Variants in NKX2-3 observed in about 807,000 individuals in gnomAD.
The protein encoded by NKX2-3 is NK2 homeobox 3.
NKX2-3 carries 3 observed loss-of-function variants against 14.2 expected under a neutral mutation model. The observed-to-expected ratio is 0.21, with a 90% CI of 0.10 to 0.55. The LOEUF is 0.55. Ranked by LOEUF, NKX2-3 falls within the 20% of genes least tolerant of loss-of-function variation. The pLI is 0.94. For missense variants in NKX2-3, 511 were observed against 514.5 expected, an observed-to-expected ratio of 0.99 and a Z score of 0.06; for synonymous variants, 276 against 234.2, an observed-to-expected ratio of 1.18 and a Z score of -1.63.
In NKX2-3 at chr10:99,535,899, G is replaced by A. The variant is rs1049039640; in HGVS notation, c.*178G>A. The A allele has an allele frequency of 5.6e-6, 4 of 716,474 alleles. No individual in the cohort carries two copies. The highest frequency in any genetic ancestry group is 8.6e-6 in the Non-Finnish European group (4 of 463,504). The allele number at this position is 716,474 out of a possible 1,614,324, so 44.4% of individuals were successfully genotyped here. A position where few individuals can be genotyped will look rare whatever the true frequency, so the allele number is the denominator to read the frequency against. ...CTGGGGAAGGGGACTCAGGGGCGAG[G>A]AGGATGACTGGGTCCGGTCGCCAGG... is the stretch of plus-strand genomic sequence containing the variant. On this transcript the variant is annotated 3_prime_UTR_variant, in exon 2 of 2. Coordinates refer to ENST00000344586, the MANE Select transcript of NKX2-3 (RefSeq NM_145285.3).
Position 99,535,378 on chromosome 10 carries a change from G to A in NKX2-3, c.752G>A (p.Ser251Asn). 1 of 1,451,870 alleles carries A rather than the reference G, an allele frequency of 6.9e-7. No individual in the cohort carries two copies. The allele number at this position is 1,451,870 out of a possible 1,614,324, so 89.9% of individuals were successfully genotyped here. A position where few individuals can be genotyped will look rare whatever the true frequency, so the allele number is the denominator to read the frequency against. The change falls in exon 2 of 2, where the codon AGC becomes AAC. Residue 251 changes from serine to asparagine, a missense_variant. By Grantham distance (46) the Ser-to-Asn change is conservative. Around this residue, in one of 3 missense-constraint regions of NKX2-3, gnomAD observed 264 missense variants for 254.7 expected, o/e 1.04. Coordinates refer to ENST00000344586, the MANE Select transcript of NKX2-3 (RefSeq NM_145285.3). The part of the protein sequence containing the change: ...PSAQAYGAPY[S>N]VGASAYSYNS... ...GCGCAGGCCTACGGCGCGCCCTACA[G>A]CGTGGGCGCCAGCGCCTACTCCTAC...
chr10:99,535,968 G>T lies in NKX2-3; in HGVS notation c.*247G>T. 1 of 520,376 alleles carries T rather than the reference G, an allele frequency of 1.9e-6. No homozygotes were observed. Among genetic ancestry groups the T allele is most frequent in the Non-Finnish European group, 3.4e-6 (1 of 296,602 alleles). 32.2% of individuals were successfully genotyped at this position (520,376 alleles called of 1,614,324 possible). On this transcript the variant is annotated 3_prime_UTR_variant, in exon 2 of 2. Coordinates refer to ENST00000344586, the MANE Select transcript of NKX2-3 (RefSeq NM_145285.3). ...ACGCCGGCTGGGCGCCGGGGAGGACGATGGCCCCGACCCTGGCAGCGAGAG... is the reference window on the plus strand; with the variant it reads ...ACGCCGGCTGGGCGCCGGGGAGGACTATGGCCCCGACCCTGGCAGCGAGAG...
At position 99,533,348 on chromosome 10, in the gene NKX2-3, T is replaced by C. The variant is rs774776737; in HGVS notation, c.217T>C (p.Leu73=). 1 of 1,612,068 alleles carries C rather than the reference T, an allele frequency of 6.2e-7. No individual in the cohort carries two copies. The highest frequency in any genetic ancestry group is 8.5e-7 in the Non-Finnish European group (1 of 1,179,432). Residue 73 remains leucine (L), a synonymous_variant, in exon 1 of 2, where the codon TTG becomes CTG. Transcript: ENST00000344586. ...AGACGAGGGCGAGAAATTGTCCTAT[T>C]TGAACTCACTAGCCGCAGCAGACGG... ...EEDEGEKLSY[L]NSLAAADGHG... is the part of the protein sequence containing the mutation.
In NKX2-3 at chr10:99,535,891, G is replaced by C. The variant is rs1348701906; in HGVS notation, c.*170G>C. On this transcript the variant is annotated 3_prime_UTR_variant, in exon 2 of 2. Transcript: ENST00000344586. ...CTCGAGGCCTGGGGAAGGGGACTCAGGGGCGAGGAGGATGACTGGGTCCGG... is the reference window on the plus strand; with the variant it reads ...CTCGAGGCCTGGGGAAGGGGACTCACGGGCGAGGAGGATGACTGGGTCCGG... The C allele has an allele frequency of 3.9e-6, 3 of 769,282 alleles. No homozygotes were observed. The highest frequency in any genetic ancestry group is 5.8e-6 in the Non-Finnish European group (3 of 515,184). The allele number at this position is 769,282 out of a possible 1,614,324, so 47.7% of individuals were successfully genotyped here.
chr10:99,534,032 G>A (rs185846575), intron 1 of NKX2-3, among the ~76,000 whole-genome samples: 2 of 152,324 alleles, frequency 1.3e-5, no homozygotes, highest in Admixed American at 6.5e-5. Context: ...TTGGAGCTCA[G>A]CGTCCTTGAA....
chr10:99,534,915 G>C, intron 1 of NKX2-3, 70 bp from the exon 2 acceptor site: 1 of 1,513,630 alleles, frequency 6.6e-7, no homozygotes, highest in South Asian at 1.3e-5. Context: ...AAAGGGTCAC[G>C]GTGCTCCAGG....
rs2033927287 is a variant in NKX2-3 at position 99,533,056 on chromosome 10, G to A, written c.-76G>A. On this transcript the variant is annotated 5_prime_UTR_variant, in exon 1 of 2. Coordinates refer to ENST00000344586, the MANE Select transcript of NKX2-3 (RefSeq NM_145285.3). The stretch of plus-strand genomic sequence containing the variant: ...CGGCAGCAGCGGCGGAGTCCAGGAG[G>A]AGAGCTGGAGCCGCCGCGCTGCCTC... 1.7e-5 allele frequency: 18 copies of A among 1,039,504 alleles called. No individual in the cohort carries two copies. Among genetic ancestry groups the A allele is most frequent in the Non-Finnish European group, 2.4e-5 (17 of 701,330 alleles). 64.4% of individuals were successfully genotyped at this position (1,039,504 alleles called of 1,614,324 possible). A position where few individuals can be genotyped will look rare whatever the true frequency, so the allele number is the denominator to read the frequency against.
Position 99,535,880 on chromosome 10 carries a change from A to G in NKX2-3, c.*159A>G. On this transcript the variant is annotated 3_prime_UTR_variant, in exon 2 of 2. Coordinates refer to ENST00000344586, the MANE Select transcript of NKX2-3 (RefSeq NM_145285.3). ...ATCGCAGCTCACTCGAGGCCTGGGG[A>G]AGGGGACTCAGGGGCGAGGAGGATG... is the stretch of plus-strand genomic sequence containing the variant. 2.3e-6 allele frequency: 2 copies of G among 860,328 alleles called. No individual in the cohort carries two copies. The highest frequency in any genetic ancestry group is 3.4e-6 in the Non-Finnish European group (2 of 595,828). 53.3% of individuals were successfully genotyped at this position (860,328 alleles called of 1,614,324 possible). A position where few individuals can be genotyped will look rare whatever the true frequency, so the allele number is the denominator to read the frequency against.
chr10:99,533,031 C>G lies in NKX2-3; in HGVS notation c.-101C>G, dbSNP rs1170137020. The G allele has an allele frequency of 1.2e-6, 1 of 813,236 alleles. No individual in the cohort carries two copies. Among genetic ancestry groups the G allele is most frequent in the Admixed American group, 2.3e-5 (1 of 42,774 alleles). 50.4% of individuals were successfully genotyped at this position (813,236 alleles called of 1,614,324 possible). ...GACCGCGTCTGTCAAAAGCCCGACTCGGCAGCAGCGGCGGAGTCCAGGAGG... is the reference window on the plus strand; with the variant it reads ...GACCGCGTCTGTCAAAAGCCCGACTGGGCAGCAGCGGCGGAGTCCAGGAGG... On this transcript the variant is annotated 5_prime_UTR_variant, in exon 1 of 2. Transcript: ENST00000344586.
At position 99,533,089 on chromosome 10, in the gene NKX2-3, C is replaced by G; in HGVS notation, c.-43C>G. 2 of 1,433,236 alleles carry G rather than the reference C, an allele frequency of 1.4e-6. No individual in the cohort carries two copies. Among genetic ancestry groups the G allele is most frequent in the Non-Finnish European group, 1.9e-6 (2 of 1,058,518 alleles). 88.8% of individuals were successfully genotyped at this position (1,433,236 alleles called of 1,614,324 possible). On this transcript the variant is annotated 5_prime_UTR_variant, in exon 1 of 2. Coordinates refer to ENST00000344586, the MANE Select transcript of NKX2-3 (RefSeq NM_145285.3). ...GAGCCGCCGCGCTGCCTCCCCGCCC[C>G]CGCCGGGATTTATTATTTGGACTGG...
rs765275806 is a variant in NKX2-3 at position 99,535,246 on chromosome 10, G to A, written c.620G>A (p.Arg207Gln). 2.5e-6 allele frequency: 4 copies of A among 1,611,424 alleles called. No homozygotes were observed. The highest frequency in any genetic ancestry group is 4.5e-5 in the East Asian group (2 of 44,796). The change falls in exon 2 of 2, where the codon CGG (arginine) becomes CAG (glutamine). Residue 207 changes from arginine (R) to glutamine (Q), a missense_variant. Physicochemically the swap from Arg to Gln is conservative, Grantham distance 43 (BLOSUM62 1). Around this residue, in one of 3 missense-constraint regions of NKX2-3, gnomAD observed 264 missense variants for 254.7 expected, o/e 1.04. Transcript: ENST00000344586. ...CGCAGGTACAAGTGCAAGAGACAGCGGCAGGACAAGTCTCTGGAGCTTGGC... is the reference window on the plus strand; with the variant it reads ...CGCAGGTACAAGTGCAAGAGACAGCAGCAGGACAAGTCTCTGGAGCTTGGC... ...QNRRYKCKRQ[R>Q]QDKSLELGAH...
In NKX2-3 at chr10:99,533,038, A is replaced by G; in HGVS notation, c.-94A>G. The G allele has an allele frequency of 1.2e-6, 1 of 845,044 alleles. No individual in the cohort carries two copies. The highest frequency in any genetic ancestry group is 1.9e-6 in the Non-Finnish European group (1 of 529,410). The allele number at this position is 845,044 out of a possible 1,614,324, so 52.3% of individuals were successfully genotyped here. On this transcript the variant is annotated 5_prime_UTR_variant, in exon 1 of 2. Transcript: ENST00000344586. ...TCTGTCAAAAGCCCGACTCGGCAGC[A>G]GCGGCGGAGTCCAGGAGGAGAGCTG...
Position 99,535,812 on chromosome 10 carries a change from C to T in NKX2-3, c.*91C>T, listed in dbSNP as rs1160794748. The T allele has an allele frequency of 5.8e-6, 8 of 1,375,370 alleles. No homozygotes were observed. The African/African-American group carries it at 7.7e-5, about 13-fold the overall frequency. The allele number at this position is 1,375,370 out of a possible 1,614,324, so 85.2% of individuals were successfully genotyped here. A position where few individuals can be genotyped will look rare whatever the true frequency, so the allele number is the denominator to read the frequency against. On this transcript the variant is annotated 3_prime_UTR_variant, in exon 2 of 2. Transcript: ENST00000344586. ...AGGGCCTGACCTAAAGGTCAGGTCC[C>T]CTCGTTAAAAAAATATGTACGTCTA...
At position 99,533,451 on chromosome 10, in the gene NKX2-3, A is replaced by G. The variant is rs745817982; in HGVS notation, c.320A>G (p.His107Arg). ...GACTCGTGCAGCGAGCCCAAGGAACATGAAGAGGAGCCCGAGGTCGTGAGG... is the reference window on the plus strand; with the variant it reads ...GACTCGTGCAGCGAGCCCAAGGAACGTGAAGAGGAGCCCGAGGTCGTGAGG... ...LRDSCSEPKE[H>R]EEEPEVVRDR... Residue 107 changes from histidine (H) to arginine (R), a missense_variant, in exon 1 of 2, where the codon CAT becomes CGT. His to Arg is a conservative substitution (Grantham distance 29). Transcript: ENST00000344586. 1.9e-6 allele frequency: 3 copies of G among 1,590,616 alleles called. No individual in the cohort carries two copies. The highest frequency in any genetic ancestry group is 1.3e-5 in the African/African-American group (1 of 74,732).
At chr10:99,534,862 A>C in intron 1 of NKX2-3, 123 bp from the exon 2 acceptor site, 3 of 1,247,884 alleles carry the variant, frequency 2.4e-6, no homozygotes, top group Non-Finnish European at 3.2e-6. Flanking sequence ...AACGTTCCCA[A>C]AAGTCCAGCC....
In NKX2-3 at chr10:99,535,968, G is replaced by A; in HGVS notation, c.*247G>A. 1.9e-6 allele frequency: 1 copy of A among 520,374 alleles called. No homozygotes were observed. Among genetic ancestry groups the A allele is most frequent in the Non-Finnish European group, 3.4e-6 (1 of 296,600 alleles). The allele number at this position is 520,374 out of a possible 1,614,324, so 32.2% of individuals were successfully genotyped here. ...ACGCCGGCTGGGCGCCGGGGAGGAC[G>A]ATGGCCCCGACCCTGGCAGCGAGAG... On this transcript the variant is annotated 3_prime_UTR_variant, in exon 2 of 2. Transcript: ENST00000344586.
In NKX2-3 at chr10:99,533,243, C is replaced by A. The variant is rs2033929554; in HGVS notation, c.112C>A (p.His38Asn). 5.0e-6 allele frequency: 8 copies of A among 1,612,346 alleles called. No homozygotes were observed. Among genetic ancestry groups the A allele is most frequent in the Non-Finnish European group, 6.8e-6 (8 of 1,178,456 alleles). The change falls in exon 1 of 2, where the codon CAC (histidine) becomes AAC (asparagine). Residue 38 changes from histidine (H) to asparagine (N), a missense_variant. Coordinates refer to ENST00000344586, the MANE Select transcript of NKX2-3 (RefSeq NM_145285.3). ...HGAHLQADLEHHFHSAPCMLA... is the reference protein window; with the variant it reads ...HGAHLQADLENHFHSAPCMLA... ...TGCGCACTTGCAGGCGGACTTGGAG[C>A]ACCACTTCCACTCTGCGCCCTGCAT...
rs1297574218 is a variant in NKX2-3 at position 99,535,893 on chromosome 10, G to A, written c.*172G>A. 2.6e-6 allele frequency: 2 copies of A among 769,692 alleles called. No homozygotes were observed. Among genetic ancestry groups the A allele is most frequent in the East Asian group, 6.6e-5 (2 of 30,112 alleles). 47.7% of individuals were successfully genotyped at this position (769,692 alleles called of 1,614,324 possible). Reference sequence around the variant, plus strand: ...CGAGGCCTGGGGAAGGGGACTCAGGGGCGAGGAGGATGACTGGGTCCGGTC... The same window carrying A: ...CGAGGCCTGGGGAAGGGGACTCAGGAGCGAGGAGGATGACTGGGTCCGGTC... On this transcript the variant is annotated 3_prime_UTR_variant, in exon 2 of 2. Coordinates refer to ENST00000344586, the MANE Select transcript of NKX2-3 (RefSeq NM_145285.3).
At chr10:99,533,621 G>A in intron 1 of NKX2-3, 132 bp downstream of exon 1, 1 of 675,572 alleles carries the variant, frequency 1.5e-6, no homozygotes, top group Non-Finnish European at 2.4e-6. Context: ...CCTCCGCCCT[G>A]GTCACCGACA....
Sources: gnomAD v4.1 joint callset for allele counts (sites outside exome capture counted in the v4.1 genomes callset) on GRCh38, gnomAD v4.1.1 for gene constraint, gnomAD v4.1.1 regional missense constraint, MANE v1.5 for transcripts, NCBI Gene and HGNC (gene_info 2026-07-23, HGNC 2026-07-21) for gene names.